PXN: variants seen among roughly 807,000 people sequenced by gnomAD.
PXN encodes paxillin, also known as testicular tissue protein Li 134.
In PXN, 61 loss-of-function variants were observed where a neutral mutation model predicts 103.6. The ratio of observed to expected loss-of-function variants is 0.59; its 90% confidence interval spans 0.48 to 0.73. PXN has a LOEUF of 0.73. PXN is among the 30% of genes least tolerant of loss of function. PXN has a pLI of 0.00. For missense variants in PXN, 1,274 were observed against 1,460.3 expected (o/e 0.87, Z 2.08); for synonymous variants, 562 against 607.8 (o/e 0.92, Z 1.11).
In PXN at chr12:120,212,588, G is replaced by A. The variant is rs1880541231; in HGVS notation, c.2980-8C>T. On this transcript the variant is annotated splice_region_variant and splice_polypyrimidine_tract_variant and intron_variant, in intron 14 of 14. Coordinates refer to ENST00000637617, the MANE Select transcript of PXN (RefSeq NM_001385981.1). This position sits in a 1 kb window ranked among gnomAD's most constrained non-coding sequence, Gnocchi z 7.2. ...GAATGGCGTGAAGCATTCCTGCCAG[G>A]CGGAGAGAGGGGCTCAGGGAGCTGC... is the stretch of plus-strand genomic sequence containing the variant. The A allele has an allele frequency of 6.2e-7, 1 of 1,608,648 alleles. No homozygotes were observed. The highest frequency in any genetic ancestry group is 8.5e-7 in the Non-Finnish European group (1 of 1,176,524).
At chr12:120,241,602 T>C (rs971753194) in intron 1 of PXN, among the ~76,000 whole-genome samples, 2 of 152,148 alleles carry the variant, frequency 1.3e-5, no homozygotes, top group Non-Finnish European at 2.9e-5. Context: ...TGGGAGACTG[T>C]CATAAACGAG....
rs1452940998 is a variant in PXN at position 120,211,829 on chromosome 12, G to C, written c.*485C>G. On this transcript the variant is annotated 3_prime_UTR_variant, in exon 15 of 15. Coordinates refer to ENST00000637617, the MANE Select transcript of PXN (RefSeq NM_001385981.1). ...TTGGTTCTCTGCCTTTGGATGGATG[G>C]ATTTATGCTGGCATTGTCTGGAGGG... 2.2e-6 allele frequency: 1 copy of C among 460,210 alleles called. No homozygotes were observed. The highest frequency in any genetic ancestry group is 4.4e-6 in the Non-Finnish European group (1 of 228,650). 28.5% of individuals were successfully genotyped at this position (460,210 alleles called of 1,614,324 possible). A position where few individuals can be genotyped will look rare whatever the true frequency, so the allele number is the denominator to read the frequency against.
rs770547365 is a variant in PXN at position 120,219,237 on chromosome 12, G to C, written c.1686C>G (p.Ser562Arg). Residue 562 changes from serine (S) to arginine (R), a missense_variant, in exon 7 of 15, where the codon AGC (serine) becomes AGG (arginine). By Grantham distance (110) the Ser-to-Arg change is moderately radical. This residue lies in a region of PXN where 1,178 missense variants were observed against 1,309.0 expected (regional missense o/e 0.90). Coordinates refer to ENST00000637617, the MANE Select transcript of PXN (RefSeq NM_001385981.1). The surrounding 1 kb of genome is among the most constrained non-coding windows in gnomAD (Gnocchi z 6.5). The stretch of plus-strand genomic sequence containing the variant: ...CAGAGGTGGAAATCCTCTCCGTGGT[G>C]CTGGGTGTGCCCATGGCCATGGCAC... Reference protein sequence around the residue: ...LPCAMAMGTPSTTERISTSGQ... With the variant: ...LPCAMAMGTPRTTERISTSGQ... 1 of 1,592,166 alleles carries C rather than the reference G, an allele frequency of 6.3e-7. No homozygotes were observed. Among genetic ancestry groups the C allele is most frequent in the South Asian group, 1.1e-5 (1 of 90,776 alleles).
chr12:120,259,217 C>A (rs1265599223), intron 1 of PXN, among the ~76,000 whole-genome samples: 1 of 152,046 alleles, frequency 6.6e-6, no homozygotes, highest in Non-Finnish European at 1.5e-5. Flanking sequence ...TATGGTGAAA[C>A]CCCACCTCTA....
In PXN at chr12:120,216,240, G is replaced by A; in HGVS notation, c.2301+33C>T. ...GGGATGGCTCAGGCATTAGGACAGG[G>A]GACAGAAAGGGAGGGGCTCCTTTAA... On this transcript the variant is annotated intron_variant, in intron 9 of 14. Transcript: ENST00000637617. The surrounding 1 kb of genome is among the most constrained non-coding windows in gnomAD (Gnocchi z 5.1). The A allele has an allele frequency of 7.8e-7, 1 of 1,275,114 alleles. No homozygotes were observed. Among genetic ancestry groups the A allele is most frequent in the Non-Finnish European group, 9.9e-7 (1 of 1,014,732 alleles). The allele number at this position is 1,275,114 out of a possible 1,614,324, so 79.0% of individuals were successfully genotyped here.
At position 120,217,851 on chromosome 12, in the gene PXN, G is replaced by A. The variant is rs185786594; in HGVS notation, c.1717-735C>T. Among the ~76,000 whole-genome samples the A allele has an allele frequency of 6.6e-6, 1 of 151,616 alleles. No individual in the cohort carries two copies. Among genetic ancestry groups the A allele is most frequent in the African/African-American group, 2.4e-5 (1 of 41,394 alleles). On this transcript the variant is annotated intron_variant, in intron 7 of 14. Transcript: ENST00000637617. The surrounding 1 kb of genome is among the most constrained non-coding windows in gnomAD (Gnocchi z 4.1). The stretch of plus-strand genomic sequence containing the variant: ...CTGACCTCGTGATCTGCCTGCCTCG[G>A]CCTCCCAAAGTGCTGGGAATACAGG...
chr12:120,221,766 G>A lies in PXN; in HGVS notation c.696-8C>T, dbSNP rs191909839. On this transcript the variant is annotated splice_region_variant and splice_polypyrimidine_tract_variant and intron_variant, in intron 5 of 14. Transcript: ENST00000637617. This position sits in a 1 kb window ranked among gnomAD's most constrained non-coding sequence, Gnocchi z 6.6. ...TTCACAGTGATGGCAGGGCTGCAGG[G>A]TGGGCACAGCATCAGTGGGGAGCCC... 9.2e-5 allele frequency: 143 copies of A among 1,560,758 alleles called. 1 individual carries two copies. The East Asian group carries it at 3.3e-3, about 36-fold the overall frequency.
Position 120,217,850 on chromosome 12 carries a change from G to C in PXN, c.1717-734C>G, listed in dbSNP as rs1013370058. 4.6e-5 allele frequency among the ~76,000 whole-genome samples: 7 copies of C among 150,964 alleles called. No homozygotes were observed. The highest frequency in any genetic ancestry group is 4.6e-4 in the Admixed American group (7 of 15,180). ...CCTGACCTCGTGATCTGCCTGCCTC[G>C]GCCTCCCAAAGTGCTGGGAATACAG... is the stretch of plus-strand genomic sequence containing the variant. On this transcript the variant is annotated intron_variant, in intron 7 of 14. Transcript: ENST00000637617. This position sits in a 1 kb window ranked among gnomAD's most constrained non-coding sequence, Gnocchi z 4.1.
At position 120,260,047 on chromosome 12, in the gene PXN, G is replaced by A. The variant is rs115636519; in HGVS notation, c.13+5570C>T. ...CAGAGGAGGTGGCAAGGGACCACAGGGGACCTGCCCCAGGTTCTCCTTGGC... is the reference window on the plus strand; with the variant it reads ...CAGAGGAGGTGGCAAGGGACCACAGAGGACCTGCCCCAGGTTCTCCTTGGC... On this transcript the variant is annotated intron_variant, in intron 1 of 14. Coordinates refer to ENST00000637617, the MANE Select transcript of PXN (RefSeq NM_001385981.1). 3.1e-3 allele frequency among the ~76,000 whole-genome samples: 474 copies of A among 152,300 alleles called. 2 individuals carry two copies. Among genetic ancestry groups the A allele is most frequent in the African/African-American group, 0.011 (457 of 41,562 alleles).
Position 120,216,964 on chromosome 12 carries a change from G to A in PXN, c.1869C>T (p.Ile623=). ...LIAELQGRLG[I]QPEAEEPAEA... ...CCGCCGGCTCCTCTGCCTCAGGCTG[G>A]ATGCCCAGCCGCCCCTGCAGCTCCG... Residue 623 remains isoleucine (I), a synonymous_variant, in exon 8 of 15, where the codon ATC becomes ATT. Coordinates refer to ENST00000637617, the MANE Select transcript of PXN (RefSeq NM_001385981.1). This position sits in a 1 kb window ranked among gnomAD's most constrained non-coding sequence, Gnocchi z 5.1. The A allele has an allele frequency of 6.5e-7, 1 of 1,538,472 alleles. No individual in the cohort carries two copies. The highest frequency in any genetic ancestry group is 8.7e-7 in the Non-Finnish European group (1 of 1,148,306).
chr12:120,215,432 A>G lies in PXN; in HGVS notation c.2403+128T>C. The G allele has an allele frequency of 6.9e-7, 1 of 1,452,242 alleles. No homozygotes were observed. The allele number at this position is 1,452,242 out of a possible 1,614,324, so 90.0% of individuals were successfully genotyped here. A position where few individuals can be genotyped will look rare whatever the true frequency, so the allele number is the denominator to read the frequency against. The stretch of plus-strand genomic sequence containing the variant: ...GGCCAGGAGCCCTAAAGTGGGAGTG[A>G]CGTCAGCAGGACTCCTGGTGGTCGG... On this transcript the variant is annotated intron_variant, in intron 10 of 14. Coordinates refer to ENST00000637617, the MANE Select transcript of PXN (RefSeq NM_001385981.1). The surrounding 1 kb of genome is among the most constrained non-coding windows in gnomAD (Gnocchi z 4.9).
At position 120,221,282 on chromosome 12, in the gene PXN, G is replaced by C. The variant is rs1328484259; in HGVS notation, c.831+341C>G. ...AGCAGAGAATGCCCTCCCCCACCCA[G>C]AGCAGCCATCAACACAAGGTTCTTT... On this transcript the variant is annotated intron_variant, in intron 6 of 14. Transcript: ENST00000637617. The surrounding 1 kb of genome is among the most constrained non-coding windows in gnomAD (Gnocchi z 6.6). Among the ~76,000 whole-genome samples the C allele has an allele frequency of 6.6e-6, 1 of 152,092 alleles. No individual in the cohort carries two copies. The highest frequency in any genetic ancestry group is 1.9e-4 in the East Asian group (1 of 5,188).
intron 1 of PXN, among the ~76,000 whole-genome samples, chr12:120,263,519 G>A (rs1314204533): frequency 1.3e-5 from 2 of 152,230 alleles, no homozygotes; most frequent in Non-Finnish European, 2.9e-5. Flanking sequence ...AGATCTGGGA[G>A]CTAGGAATTG....
chr12:120,236,971 GT>G (rs1462821280), intron 1 of PXN, among the ~76,000 whole-genome samples: 1 of 151,380 alleles, frequency 6.6e-6, no homozygotes, highest in East Asian at 2.0e-4. Flanking sequence ...ACTTGGCTAA[GT>G]TTTCTATTTT....
chr12:120,242,939 C>T (rs1234345098), intron 1 of PXN, among the ~76,000 whole-genome samples: 2 of 151,994 alleles, frequency 1.3e-5, no homozygotes, highest in Non-Finnish European at 2.9e-5. Flanking sequence ...AAAGGCCAGC[C>T]CCATCTCAGC....
chr12:120,262,093 A>G (rs78693698), intron 1 of PXN, among the ~76,000 whole-genome samples: 1 of 152,210 alleles, frequency 6.6e-6, no homozygotes, highest in African/African-American at 2.4e-5. Flanking sequence ...AGGAAAGCCC[A>G]AAGTCCAGAC....
Position 120,212,145 on chromosome 12 carries a change from A to T in PXN, c.*169T>A, listed in dbSNP as rs957987473. The T allele has an allele frequency of 3.9e-6, 4 of 1,017,702 alleles. No homozygotes were observed. The highest frequency in any genetic ancestry group is 5.9e-6 in the Non-Finnish European group (4 of 673,550). 63.0% of individuals were successfully genotyped at this position (1,017,702 alleles called of 1,614,324 possible). On this transcript the variant is annotated 3_prime_UTR_variant, in exon 15 of 15. Coordinates refer to ENST00000637617, the MANE Select transcript of PXN (RefSeq NM_001385981.1). This position sits in a 1 kb window ranked among gnomAD's most constrained non-coding sequence, Gnocchi z 7.2. ...GGCCCAGAGGCTCTGGCAGGGGTGA[A>T]GACAAGCAGGGGGACCCCTCACGGC...
At chr12:120,254,169 A>G (rs1741421788) in intron 1 of PXN, among the ~76,000 whole-genome samples, 1 of 152,128 alleles carries the variant, frequency 6.6e-6, no homozygotes, top group Non-Finnish European at 1.5e-5. Context: ...GTGAGCCACC[A>G]CGTCCAGTCC....
Position 120,215,833 on chromosome 12 carries a change from A to G in PXN, c.2302-172T>C. ...CTGGAGAAAAAGAGCCCTGAGAGAG[A>G]GGCCTAGGGAGAAAGGAAGAAGGAC... On this transcript the variant is annotated intron_variant, in intron 9 of 14. Coordinates refer to ENST00000637617, the MANE Select transcript of PXN (RefSeq NM_001385981.1). This position sits in a 1 kb window ranked among gnomAD's most constrained non-coding sequence, Gnocchi z 4.9. The G allele has an allele frequency of 6.3e-6, 8 of 1,275,650 alleles. No individual in the cohort carries two copies. Among genetic ancestry groups the G allele is most frequent in the Non-Finnish European group, 8.3e-6 (8 of 966,642 alleles). The allele number at this position is 1,275,650 out of a possible 1,614,324, so 79.0% of individuals were successfully genotyped here.
Sources: allele counts gnomAD v4.1 joint callset (sites outside exome capture counted in the v4.1 genomes callset), GRCh38; gene constraint gnomAD v4.1.1; regional missense constraint gnomAD v4.1.1; non-coding constraint Gnocchi (gnomAD v3.1); transcripts MANE v1.5; gene names NCBI Gene and HGNC (gene_info 2026-07-23, HGNC 2026-07-21).